GABRB3: variants seen among roughly 807,000 people sequenced by gnomAD.
GABRB3 encodes the protein gamma-aminobutyric acid type A receptor subunit beta3.
GABRB3 carries 14 observed loss-of-function variants against 52.1 expected under a neutral mutation model. The ratio of observed to expected loss-of-function variants is 0.27; its 90% CI spans 0.18 to 0.42. The LOEUF (loss-of-function observed/expected upper bound fraction) is 0.42. Among genes scored for constraint, GABRB3 ranks in the 10% least tolerant of loss-of-function variants. GABRB3 has a pLI of 1.00. For missense variants in GABRB3, 307 were observed against 609.1 expected (o/e 0.50, Z 5.22); for synonymous variants, 260 against 232.3 (o/e 1.12, Z -1.08).
At chr15:26,601,015 T>C (rs1398003807) in intron 4 of GABRB3, among the ~76,000 whole-genome samples, 1 of 152,198 alleles carries the variant, frequency 6.6e-6, no homozygotes, top group Non-Finnish European at 1.5e-5. Flanking sequence ...CAGTCGTATG[T>C]AATCAAAATT....
chr15:26,653,130 T>C (rs1887248783), intron 3 of GABRB3, among the ~76,000 whole-genome samples: 1 of 152,132 alleles, frequency 6.6e-6, no homozygotes, highest in African/African-American at 2.4e-5. Context: ...TAGTTTAACT[T>C]TAAAATAAGA....
At chr15:26,693,848 G>A (rs1888658194) in intron 3 of GABRB3, among the ~76,000 whole-genome samples, 1 of 152,182 alleles carries the variant, frequency 6.6e-6, no homozygotes, top group Non-Finnish European at 1.5e-5. Context: ...CCAGTCTTAG[G>A]AGAGCCCCTA....
At chr15:26,619,024 GC>G (rs1892374912) in intron 4 of GABRB3, among the ~76,000 whole-genome samples, 1 of 148,378 alleles carries the variant, frequency 6.7e-6, no homozygotes, top group African/African-American at 2.5e-5. Context: ...AACAACAGGT[GC>G]TGGAGAGGAT....
chr15:26,646,451 G>A (rs889437245), intron 3 of GABRB3, among the ~76,000 whole-genome samples: 9 of 152,084 alleles, frequency 5.9e-5, no homozygotes, highest in African/African-American at 1.7e-4. Flanking sequence ...ACTGGTTCAC[G>A]CATTTACCAG....
Position 26,546,488 on chromosome 15 carries a change from G to A in GABRB3, c.*1305C>T, listed in dbSNP as rs1255563180. ...GTTGCCCTCCTTTGCCTCAGAGAAC[G>A]GTCATGGGTCGTTGGGTGACGCGTG... is the stretch of plus-strand genomic sequence containing the variant. On this transcript the variant is annotated 3_prime_UTR_variant, in exon 9 of 9. Transcript: ENST00000311550. The A allele has an allele frequency of 6.6e-6, 1 of 152,490 alleles. No individual in the cohort carries two copies. The highest frequency in any genetic ancestry group is 1.5e-5 in the Non-Finnish European group (1 of 68,042). 9.4% of individuals were successfully genotyped at this position (152,490 alleles called of 1,614,324 possible). A position where few individuals can be genotyped will look rare whatever the true frequency, so the allele number is the denominator to read the frequency against.
chr15:26,773,315 C>G (rs1199506528), upstream of GABRB3, among the ~76,000 whole-genome samples: 1 of 150,518 alleles, frequency 6.6e-6, no homozygotes, highest in Non-Finnish European at 1.5e-5. Flanking sequence ...CCTCTGGGAC[C>G]GCGGAGTGCG....
intron 3 of GABRB3, among the ~76,000 whole-genome samples, chr15:26,637,691 A>G (rs1323560293): frequency 6.6e-6 from 1 of 152,216 alleles, no homozygotes; most frequent in Non-Finnish European, 1.5e-5. Context: ...TAAATCCCAA[A>G]TCCAGATTAG....
chr15:26,730,460 A>G (rs1271818504), intron 3 of GABRB3, among the ~76,000 whole-genome samples: 3 of 149,562 alleles, frequency 2.0e-5, no homozygotes, highest in African/African-American at 4.9e-5. Context: ...ATGAAACAAC[A>G]GTTTCCCGGT....
chr15:26,635,436 A>C (rs1893031779), intron 3 of GABRB3, among the ~76,000 whole-genome samples: 1 of 152,048 alleles, frequency 6.6e-6, no homozygotes, highest in Non-Finnish European at 1.5e-5. Flanking sequence ...GGCATGATTT[A>C]TGGAGTTTGT....
intron 3 of GABRB3, among the ~76,000 whole-genome samples, chr15:26,687,606 T>G (rs1006883044): frequency 2.0e-4 from 30 of 152,280 alleles, no homozygotes; most frequent in African/African-American, 6.7e-4. Flanking sequence ...TTTCTCAGAA[T>G]GATGAAAAAT....
At chr15:26,668,780 A>G (rs1370968100) in intron 3 of GABRB3, among the ~76,000 whole-genome samples, 1 of 152,154 alleles carries the variant, frequency 6.6e-6, no homozygotes, top group African/African-American at 2.4e-5. Flanking sequence ...TCTATGCAAA[A>G]ACTGTACACA....
At chr15:26,571,888 A>T (rs1479686487) in intron 6 of GABRB3, among the ~76,000 whole-genome samples, 1 of 151,920 alleles carries the variant, frequency 6.6e-6, no homozygotes, top group East Asian at 1.9e-4. Flanking sequence ...TCTCTACTAA[A>T]AATACAAAAA....
At chr15:26,706,392 A>T (rs564961364) in intron 3 of GABRB3, among the ~76,000 whole-genome samples, 1 of 152,232 alleles carries the variant, frequency 6.6e-6, no homozygotes, top group African/African-American at 2.4e-5. Context: ...GTTATTTTCA[A>T]AAACCTAGGT....
chr15:26,755,690 T>A (rs1007873697), intron 3 of GABRB3, among the ~76,000 whole-genome samples: 1 of 152,200 alleles, frequency 6.6e-6, no homozygotes, highest in Non-Finnish European at 1.5e-5. Context: ...GACATTCCAA[T>A]GGGAGCCCAA....
intron 3 of GABRB3, among the ~76,000 whole-genome samples, chr15:26,639,491 G>A (rs552480392): frequency 3.3e-5 from 5 of 152,186 alleles, no homozygotes; most frequent in South Asian, 2.1e-4. Context: ...TAATGCATAC[G>A]AGAGGATATG....
intron 8 of GABRB3, among the ~76,000 whole-genome samples, chr15:26,554,875 CA>C (rs1567098869): frequency 6.6e-6 from 1 of 151,786 alleles, no homozygotes; most frequent in East Asian, 1.9e-4. Flanking sequence ...AAGTGGTAGG[CA>C]AAAAAAGTCA....
chr15:26,727,236 T>A (rs1438152324), intron 3 of GABRB3, among the ~76,000 whole-genome samples: 1 of 152,230 alleles, frequency 6.6e-6, no homozygotes, highest in African/African-American at 2.4e-5. Context: ...TTATGATTCC[T>A]GTCGAATGAC....
At chr15:26,757,441 C>T (rs893884253) in intron 3 of GABRB3, among the ~76,000 whole-genome samples, 4 of 152,152 alleles carry the variant, frequency 2.6e-5, no homozygotes, top group Non-Finnish European at 5.9e-5. Context: ...TTAATGTGGC[C>T]TTGAGGACTT....
At chr15:26,586,704 A>AAAT (rs558336153) in intron 4 of GABRB3, among the ~76,000 whole-genome samples, 2,536 of 102,308 alleles carry the variant, frequency 0.025, 112 homozygotes, top group African/African-American at 0.073. Flanking sequence ...AAAAAAAAAA[A>AAAT]AGAGAGAGAG....
Sources: allele counts gnomAD v4.1 joint callset (sites outside exome capture counted in the v4.1 genomes callset), GRCh38; gene constraint gnomAD v4.1.1; transcripts MANE v1.5; gene names NCBI Gene and HGNC (gene_info 2026-07-23, HGNC 2026-07-21).